MRTFB: variants seen among roughly 807,000 people sequenced by gnomAD.
MRTFB encodes the protein myocardin related transcription factor B.
A neutral mutation model predicts 104.2 loss-of-function variants in MRTFB; 29 were observed. The ratio of observed to expected loss-of-function variants is 0.28; its 90% CI spans 0.21 to 0.38. The LOEUF is 0.38. MRTFB is among the 10% of genes least tolerant of loss of function. The pLI is 1.00. For missense variants in MRTFB, 1,270 were observed against 1,341.6 expected (o/e 0.95, Z 0.83); for synonymous variants, 535 against 519.5 (o/e 1.03, Z -0.41).
chr16:14,076,869 T>C (rs1158492929), intron 1 of MRTFB, among the ~76,000 whole-genome samples: 2 of 152,222 alleles, frequency 1.3e-5, no homozygotes, highest in African/African-American at 4.8e-5. Context: ...TTAATATGCA[T>C]TGCTTTCATT....
At chr16:14,024,602 C>T in the MRTFB span, among the ~76,000 whole-genome samples, 4 of 152,162 alleles carry the variant, frequency 2.6e-5, no homozygotes, top group Admixed American at 1.3e-4. Flanking sequence ...CAAGACATCA[C>T]GAAGAAGGAT....
chr16:14,211,990 G>A (rs2041209213), intron 4 of MRTFB, among the ~76,000 whole-genome samples: 1 of 152,130 alleles, frequency 6.6e-6, no homozygotes, highest in African/African-American at 2.4e-5. Flanking sequence ...TCACTCCCAA[G>A]GACATACGGA....
rs2043804824 is a variant in MRTFB, at chr16:14,262,244, T to C, written c.*800T>C. On this transcript the variant is annotated 3_prime_UTR_variant, in exon 17 of 17. Transcript: ENST00000571589. ...AGACATTTGTATGTATGCTCTGACA[T>C]TGTGATTTGTACAGCCTACGCTGGG... 1 of 152,206 alleles carries C rather than the reference T, an allele frequency of 6.6e-6. No homozygotes were observed. The highest frequency in any genetic ancestry group is 1.9e-4 in the East Asian group (1 of 5,202). The allele number at this position is 152,206 out of a possible 1,614,324, so 9.4% of individuals were successfully genotyped here.
the MRTFB span, among the ~76,000 whole-genome samples, chr16:14,025,040 C>G: frequency 6.6e-6 from 1 of 152,138 alleles, no homozygotes; most frequent in African/African-American, 2.4e-5. Flanking sequence ...AGTAATAGAA[C>G]AGTTCATGTC....
chr16:14,011,536 A>G, the MRTFB span, among the ~76,000 whole-genome samples: 4 of 152,352 alleles, frequency 2.6e-5, no homozygotes, highest in East Asian at 7.7e-4. Context: ...GCTAATGTGC[A>G]CTGTGAATCC....
intron 3 of MRTFB, among the ~76,000 whole-genome samples, chr16:14,166,217 C>CTTTT (rs35113283): frequency 7.8e-4 from 88 of 112,512 alleles, no homozygotes; most frequent in Middle Eastern, 5.4e-3. Flanking sequence ...GTTTTCTTTT[C>CTTTT]TTTTTTTTTT....
chr16:14,075,909 G>A (rs1375747441), intron 1 of MRTFB, among the ~76,000 whole-genome samples: 1 of 152,106 alleles, frequency 6.6e-6, no homozygotes, highest in Non-Finnish European at 1.5e-5. Context: ...TTGTTTTCAT[G>A]TAGATAAGAT....
chr16:14,075,761 C>G (rs1018328925), intron 1 of MRTFB, among the ~76,000 whole-genome samples: 2 of 152,148 alleles, frequency 1.3e-5, no homozygotes, highest in South Asian at 2.1e-4. Context: ...TTGGAGGAAA[C>G]AAAAGCACTT....
Position 14,263,501 on chromosome 16 carries a change from A to G in MRTFB, c.*2057A>G, listed in dbSNP as rs1360668299. ...TCAGATTTGAATGGCTTATTAAATT[A>G]GCACCAAATATCAGTGGGACTGTAG... On this transcript the variant is annotated 3_prime_UTR_variant, in exon 17 of 17. Transcript: ENST00000571589. 6.6e-6 allele frequency: 1 copy of G among 152,228 alleles called. No individual in the cohort carries two copies. Among genetic ancestry groups the G allele is most frequent in the Non-Finnish European group, 1.5e-5 (1 of 68,048 alleles). The allele number at this position is 152,228 out of a possible 1,614,324, so 9.4% of individuals were successfully genotyped here.
intron 3 of MRTFB, chr16:14,199,960 A>G (rs1459952048): frequency 1.2e-5 from 3 of 247,674 alleles, no homozygotes; most frequent in Non-Finnish European, 2.3e-5. Context: ...AGAGGAGGTA[A>G]TCTTTGTTTC....
chr16:14,115,730 G>C (rs1308918055), intron 2 of MRTFB, among the ~76,000 whole-genome samples: 1 of 152,194 alleles, frequency 6.6e-6, no homozygotes, highest in Non-Finnish European at 1.5e-5. Context: ...TGATTTTGCT[G>C]CGTATAATTC....
At chr16:14,217,033 A>C (rs946914997) in intron 6 of MRTFB, 93 bp from the exon 7 acceptor site, 7 of 1,300,622 alleles carry the variant, frequency 5.4e-6, no homozygotes, top group Non-Finnish European at 7.3e-6. Flanking sequence ...AATGTGTCTA[A>C]ATCAGTTTAA....
the MRTFB span, chr16:14,020,352 A>C: frequency 6.6e-6 from 1 of 151,960 alleles, no homozygotes; most frequent in Non-Finnish European, 1.5e-5. Context: ...GTAGTCTTTC[A>C]TTTGCTTAGC....
At chr16:14,196,964 C>CTTTTTTTTTTTTTT (rs35259229) in intron 3 of MRTFB, among the ~76,000 whole-genome samples, 41 of 103,184 alleles carry the variant, frequency 4.0e-4, no homozygotes, top group Non-Finnish European at 5.5e-4. Flanking sequence ...TCTCTTTTTT[C>CTTTTTTTTTTTTTT]TTTTTTTTTT....
intron 2 of MRTFB, among the ~76,000 whole-genome samples, chr16:14,110,331 A>G (rs1567333691): frequency 6.6e-6 from 1 of 152,232 alleles, no homozygotes; most frequent in Non-Finnish European, 1.5e-5. Flanking sequence ...GCCTTGGGTC[A>G]GGGTGGGCAA....
chr16:14,085,442 A>G (rs1481027845), intron 2 of MRTFB, among the ~76,000 whole-genome samples: 1 of 136,888 alleles, frequency 7.3e-6, no homozygotes, highest in African/African-American at 3.0e-5. Flanking sequence ...GGGCAATAAG[A>G]GTGAAATTCC....
chr16:14,174,613 G>A (rs904859241), intron 3 of MRTFB, among the ~76,000 whole-genome samples: 1 of 152,178 alleles, frequency 6.6e-6, no homozygotes, highest in Non-Finnish European at 1.5e-5. Flanking sequence ...AGCCCGGGAG[G>A]CAGAGGTTGT....
intron 2 of MRTFB, among the ~76,000 whole-genome samples, chr16:14,088,021 G>A (rs912361580): frequency 6.6e-6 from 1 of 152,114 alleles, no homozygotes; most frequent in African/African-American, 2.4e-5. Flanking sequence ...TTAATTCATG[G>A]CTTTGTTACC....
At chr16:14,176,163 T>C (rs991417536) in intron 3 of MRTFB, among the ~76,000 whole-genome samples, 4 of 152,210 alleles carry the variant, frequency 2.6e-5, no homozygotes, top group African/African-American at 9.6e-5. Flanking sequence ...GTAGTTTTTG[T>C]TGTCAGTTGA....
Sources: gnomAD v4.1 joint callset for allele counts (sites outside exome capture counted in the v4.1 genomes callset) on GRCh38, gnomAD v4.1.1 for gene constraint, MANE v1.5 for transcripts, NCBI Gene and HGNC (gene_info 2026-07-23, HGNC 2026-07-21) for gene names.